SPOCK1: variants seen among roughly 807,000 people sequenced by gnomAD.
The protein encoded by SPOCK1 is testican-1.
A neutral mutation model predicts 55.3 loss-of-function variants in SPOCK1; 23 were observed. The ratio of observed to expected loss-of-function variants is 0.42; its 90% confidence interval spans 0.30 to 0.59. SPOCK1 has a LOEUF of 0.59. Among genes scored for constraint, SPOCK1 ranks in the 20% least tolerant of loss-of-function variants. The pLI is 0.22. For synonymous variants in SPOCK1, 226 were observed against 221.0 expected (o/e 1.02, Z -0.20); for missense variants, 499 against 552.5 (o/e 0.90, Z 0.97).
intron 6 of SPOCK1, among the ~76,000 whole-genome samples, chr5:137,021,471 G>A (rs1751570277): frequency 6.6e-6 from 1 of 152,092 alleles, no homozygotes; most frequent in Non-Finnish European, 1.5e-5. Flanking sequence ...GAAATTAATG[G>A]CAATAATAAA....
chr5:137,452,439 T>C (rs897378232), intron 2 of SPOCK1, among the ~76,000 whole-genome samples: 1 of 152,212 alleles, frequency 6.6e-6, no homozygotes, highest in East Asian at 1.9e-4. Flanking sequence ...AGTTATCTTT[T>C]TCCCCATTTG....
At chr5:137,004,535 G>A (rs1751207752) in intron 6 of SPOCK1, among the ~76,000 whole-genome samples, 1 of 152,080 alleles carries the variant, frequency 6.6e-6, no homozygotes, top group Admixed American at 6.6e-5. Context: ...CTGGCACAGT[G>A]ATAAAATGTT....
chr5:137,056,361 A>G (rs1752300494), intron 6 of SPOCK1, among the ~76,000 whole-genome samples: 1 of 152,042 alleles, frequency 6.6e-6, no homozygotes, highest in African/African-American at 2.4e-5. Flanking sequence ...CAGGTCATAG[A>G]CTGAGATCTG....
chr5:136,986,115 T>G (rs1262406769), intron 8 of SPOCK1, among the ~76,000 whole-genome samples: 2 of 152,166 alleles, frequency 1.3e-5, no homozygotes, highest in African/African-American at 4.8e-5. Context: ...AGAAACTGCT[T>G]GTAAAATACA....
At chr5:137,168,065 CA>C (rs1754682505) in intron 3 of SPOCK1, among the ~76,000 whole-genome samples, 2 of 151,896 alleles carry the variant, frequency 1.3e-5, no homozygotes, top group Admixed American at 6.6e-5. Context: ...ACAAAATTGA[CA>C]AACCTTTAGC....
Position 137,140,541 on chromosome 5 carries a change from A to C in SPOCK1, c.347+39T>G, listed in dbSNP as rs756446384. 6.5e-6 allele frequency: 10 copies of C among 1,547,626 alleles called. No individual in the cohort carries two copies. In the Admixed American group the frequency reaches 1.5e-4, roughly 23 times the overall value. ...AACCCTCAGATCTGCCAGCTGCAGA[A>C]TGCCTCCCAGCCCCCAGCCCCCGGC... is the stretch of plus-strand genomic sequence containing the variant. On this transcript the variant is annotated intron_variant, in intron 4 of 10. Coordinates refer to ENST00000394945, the MANE Select transcript of SPOCK1 (RefSeq NM_004598.4).
At chr5:137,486,264 G>A (rs1400050135) in intron 2 of SPOCK1, among the ~76,000 whole-genome samples, 1 of 152,170 alleles carries the variant, frequency 6.6e-6, no homozygotes. Flanking sequence ...ATGCCAGGAA[G>A]AGTTGAGGCA....
chr5:137,091,487 G>A (rs565099207), intron 5 of SPOCK1, among the ~76,000 whole-genome samples: 1 of 152,228 alleles, frequency 6.6e-6, no homozygotes, highest in Non-Finnish European at 1.5e-5. Flanking sequence ...ACTGAGAGTG[G>A]TGCCCACTGG....
At chr5:137,233,804 C>T (rs1292581910) in intron 3 of SPOCK1, among the ~76,000 whole-genome samples, 1 of 130,052 alleles carries the variant, frequency 7.7e-6, no homozygotes, top group Non-Finnish European at 1.6e-5. Context: ...GCTGTATTTC[C>T]TTTAAAAAAA....
chr5:137,069,427 G>A (rs1485122770), intron 5 of SPOCK1, among the ~76,000 whole-genome samples: 1 of 152,132 alleles, frequency 6.6e-6, no homozygotes, highest in Non-Finnish European at 1.5e-5. Context: ...CATTGCCCAC[G>A]TCTCACACAT....
chr5:137,213,398 T>C (rs999921229), intron 3 of SPOCK1, among the ~76,000 whole-genome samples: 2 of 152,236 alleles, frequency 1.3e-5, no homozygotes, highest in Admixed American at 6.5e-5. Flanking sequence ...CAAGAACTCA[T>C]ATTTTTAGAC....
intron 2 of SPOCK1, among the ~76,000 whole-genome samples, chr5:137,338,756 T>G (rs1485153867): frequency 1.3e-5 from 2 of 152,170 alleles, no homozygotes; most frequent in Non-Finnish European, 2.9e-5. Flanking sequence ...GATTTGCATT[T>G]CTCTGATGGC....
intron 2 of SPOCK1, among the ~76,000 whole-genome samples, chr5:137,379,182 C>T (rs927490192): frequency 9.2e-5 from 14 of 152,018 alleles, no homozygotes; most frequent in African/African-American, 3.4e-4. Flanking sequence ...GCACTTGCCA[C>T]CCTGCCCCCA....
intron 2 of SPOCK1, among the ~76,000 whole-genome samples, chr5:137,448,979 T>C (rs775647290): frequency 5.9e-5 from 9 of 152,172 alleles, no homozygotes; most frequent in Non-Finnish European, 1.2e-4. Flanking sequence ...GCCAGGGAAG[T>C]GAGACAGCAC....
In SPOCK1 at chr5:137,233,980, G is replaced by A. The variant is rs141137616; in HGVS notation, c.232+33030C>T. Reference sequence around the variant, plus strand: ...AGACATTCTTGCCTTGTTCTTCAAGGCAAAGGGTTTCCTCAGACCAGGCCA... The same window carrying A: ...AGACATTCTTGCCTTGTTCTTCAAGACAAAGGGTTTCCTCAGACCAGGCCA... On this transcript the variant is annotated intron_variant, in intron 3 of 10. Transcript: ENST00000394945. Among the ~76,000 whole-genome samples the A allele has an allele frequency of 3.5e-3, 533 of 152,210 alleles. 5 individuals carry two copies. Among genetic ancestry groups the A allele is most frequent in the African/African-American group, 0.012 (488 of 41,524 alleles).
rs369858163 is a variant in SPOCK1, at chr5:137,127,413, C to A, written c.347+13167G>T. Among the ~76,000 whole-genome samples, 9 of 152,338 alleles carry A rather than the reference C, an allele frequency of 5.9e-5. 2 individuals are homozygous for A. Among genetic ancestry groups the A allele is most frequent in the African/African-American group, 2.2e-4 (9 of 41,578 alleles). On this transcript the variant is annotated intron_variant, in intron 4 of 10. Transcript: ENST00000394945. ...CCAGAGACACTGTAGGGGGACAGGG[C>A]TGCCTGGAGCCATCAGGGGCCCAAA...
At chr5:137,040,107 G>A (rs1225254825) in intron 6 of SPOCK1, among the ~76,000 whole-genome samples, 2 of 152,214 alleles carry the variant, frequency 1.3e-5, no homozygotes, top group Non-Finnish European at 2.9e-5. Context: ...CTCTGGCTGT[G>A]TCCAGCAGCT....
In SPOCK1 at chr5:137,252,075, G is replaced by T. The variant is rs576761082; in HGVS notation, c.232+14935C>A. Among the ~76,000 whole-genome samples, 519 of 152,192 alleles carry T rather than the reference G, an allele frequency of 3.4e-3. 3 individuals are homozygous for T. Among genetic ancestry groups the T allele is most frequent in the African/African-American group, 0.012 (487 of 41,534 alleles). ...TGAGTAGCTGGGATTACAGGCACCT[G>T]CCACCATGTCCAACTAATTTTTGTA... On this transcript the variant is annotated intron_variant, in intron 3 of 10. Transcript: ENST00000394945.
chr5:137,223,646 TTTTATCACATGTTGATAAAA>T (rs921481204), intron 3 of SPOCK1, among the ~76,000 whole-genome samples: 3 of 152,198 alleles, frequency 2.0e-5, no homozygotes, highest in African/African-American at 7.2e-5. Context: ...ATTATTCTCA[TTTTATCACATGTTGATAAAA>T]TAATGAGCAA....
Sources: allele counts gnomAD v4.1 joint callset (sites outside exome capture counted in the v4.1 genomes callset), GRCh38; gene constraint gnomAD v4.1.1; transcripts MANE v1.5; gene names NCBI Gene and HGNC (gene_info 2026-07-23, HGNC 2026-07-21).